Variants in FBXW7 observed in about 807,000 individuals in gnomAD.
FBXW7 encodes F-box/WD repeat-containing protein 7.
In FBXW7, 11 loss-of-function variants were observed where a neutral mutation model predicts 86.3. The ratio of observed to expected loss-of-function variants is 0.13; its 90% CI spans 0.08 to 0.21. FBXW7 has a LOEUF of 0.21. Among genes scored for constraint, FBXW7 ranks in the 10% least tolerant of loss-of-function variants. The probability of loss-of-function intolerance (pLI) is 1.00; values close to 1 mark genes in which losing one functional copy is unlikely to be tolerated. For missense variants in FBXW7, 488 were observed against 847.4 expected (o/e 0.58, Z 5.27); for synonymous variants, 313 against 297.9 (o/e 1.05, Z -0.52).
intron 4 of FBXW7, among the ~76,000 whole-genome samples, chr4:152,398,158 G>C (rs1736586930): frequency 6.6e-6 from 1 of 151,752 alleles, no homozygotes; most frequent in Non-Finnish European, 1.5e-5. Flanking sequence ...CAAATTCTGA[G>C]CAAGACATAC....
chr4:152,459,054 T>C (rs1362816382), intron 2 of FBXW7, among the ~76,000 whole-genome samples: 1 of 152,138 alleles, frequency 6.6e-6, no homozygotes, highest in Non-Finnish European at 1.5e-5. Context: ...GTATATTCAC[T>C]CCAAGATGCA....
chr4:152,411,944 C>T, intron 3 of FBXW7, 72 bp from the exon 4 acceptor site: 1 of 1,336,332 alleles, frequency 7.5e-7, no homozygotes, highest in Non-Finnish European at 9.8e-7. Context: ...TGTTATATGT[C>T]TACTTTCTAA....
chr4:152,502,281 T>C (rs1182707687), intron 2 of FBXW7, among the ~76,000 whole-genome samples: 1 of 152,168 alleles, frequency 6.6e-6, no homozygotes, highest in Non-Finnish European at 1.5e-5. Context: ...AAAGAAAGTT[T>C]TATTCTTTTG....
chr4:152,404,329 T>C (rs1200374727), intron 4 of FBXW7, among the ~76,000 whole-genome samples: 2 of 152,346 alleles, frequency 1.3e-5, no homozygotes, highest in African/African-American at 2.4e-5. Flanking sequence ...GAGGCATATA[T>C]GCTTGTTATA....
intron 2 of FBXW7, among the ~76,000 whole-genome samples, chr4:152,490,280 T>C (rs1031712566): frequency 6.6e-6 from 1 of 152,148 alleles, no homozygotes; most frequent in Non-Finnish European, 1.5e-5. Flanking sequence ...GTGAATGTAC[T>C]TGATGCCACT....
intron 4 of FBXW7, chr4:152,352,496 C>T (rs1024469418): frequency 2.7e-5 from 44 of 1,613,722 alleles, no homozygotes; most frequent in Admixed American, 5.0e-5. Context: ...TTTAATGTGC[C>T]GTAGAAACCC....
chr4:152,334,326 T>TCC (rs981192559), intron 7 of FBXW7, among the ~76,000 whole-genome samples: 6 of 152,110 alleles, frequency 3.9e-5, no homozygotes, highest in African/African-American at 1.4e-4. Flanking sequence ...TAACAGATAC[T>TCC]CCAAAAGCTA....
intron 4 of FBXW7, among the ~76,000 whole-genome samples, chr4:152,365,911 TTC>T (rs1395454949): frequency 1.3e-5 from 2 of 152,230 alleles, no homozygotes; most frequent in South Asian, 2.1e-4. Context: ...AGTATTTTTA[TTC>T]TGTTTTGATT....
intron 7 of FBXW7, 174 bp downstream of exon 7, chr4:152,337,624 ACAAT>A: frequency 1.8e-6 from 1 of 546,640 alleles, no homozygotes; most frequent in East Asian, 3.1e-5. Flanking sequence ...CTTTAATCTG[ACAAT>A]TACATTATTA....
chr4:152,417,527 C>G (rs999840910), intron 2 of FBXW7, among the ~76,000 whole-genome samples: 1 of 152,048 alleles, frequency 6.6e-6, no homozygotes, highest in Non-Finnish European at 1.5e-5. Context: ...CGGGGAGGAA[C>G]AGAGGCAGAC....
rs1272453150 is a variant in FBXW7 at position 152,351,133 on chromosome 4, C to A, written c.502-1009G>T. ...CTCCAAAGTGATAGAGAGCTATCCTCATGTTTATAAGTAGGTAAAAATCCT... is the reference window on the plus strand; with the variant it reads ...CTCCAAAGTGATAGAGAGCTATCCTAATGTTTATAAGTAGGTAAAAATCCT... On this transcript the variant is annotated intron_variant, in intron 4 of 13. Transcript: ENST00000281708. Among the ~76,000 whole-genome samples, 3 of 152,172 alleles carry A rather than the reference C, an allele frequency of 2.0e-5. No individual in the cohort carries two copies. The East Asian group carries it at 5.8e-4, about 29-fold the overall frequency.
intron 11 of FBXW7, among the ~76,000 whole-genome samples, 178 bp from the exon 12 acceptor site, chr4:152,326,409 T>C (rs373440639): frequency 9.5e-4 from 139 of 145,698 alleles, no homozygotes; most frequent in African/African-American, 3.4e-3. Flanking sequence ...TATATAAACA[T>C]AATAAGGGAA....
chr4:152,397,580 G>A (rs1014301365), intron 4 of FBXW7, among the ~76,000 whole-genome samples: 12 of 149,856 alleles, frequency 8.0e-5, no homozygotes, highest in African/African-American at 2.5e-4. Flanking sequence ...CATATCTTAC[G>A]TAGTTCATAA....
chr4:152,410,991 A>C (rs1477316250), intron 4 of FBXW7, among the ~76,000 whole-genome samples: 1 of 152,024 alleles, frequency 6.6e-6, no homozygotes, highest in Non-Finnish European at 1.5e-5. Flanking sequence ...TTTCACCCGA[A>C]ACCTCTACAC....
chr4:152,462,221 T>C (rs1216506707), intron 2 of FBXW7, among the ~76,000 whole-genome samples: 2 of 152,188 alleles, frequency 1.3e-5, no homozygotes, highest in Non-Finnish European at 2.9e-5. Context: ...TTGCTTTCAG[T>C]GTTTGTTCCC....
chr4:152,472,449 T>G (rs1744045124), intron 2 of FBXW7, among the ~76,000 whole-genome samples: 1 of 152,150 alleles, frequency 6.6e-6, no homozygotes. Flanking sequence ...AATGAAACCC[T>G]AAGCCTCAGT....
chr4:152,504,046 T>C (rs1273794319), intron 2 of FBXW7, among the ~76,000 whole-genome samples: 1 of 152,190 alleles, frequency 6.6e-6, no homozygotes, highest in African/African-American at 2.4e-5. Flanking sequence ...CAACTCTGAT[T>C]TTAGAAAGAG....
At chr4:152,365,821 T>A (rs1194554891) in intron 4 of FBXW7, among the ~76,000 whole-genome samples, 1 of 152,194 alleles carries the variant, frequency 6.6e-6, no homozygotes, top group Non-Finnish European at 1.5e-5. Context: ...TCCCAGTGCT[T>A]GAAGCCAACA....
At chr4:152,481,268 A>T (rs1158073468) in intron 2 of FBXW7, among the ~76,000 whole-genome samples, 1 of 152,198 alleles carries the variant, frequency 6.6e-6, no homozygotes, top group Non-Finnish European at 1.5e-5. Context: ...CATCTATTTA[A>T]CAACATGGTT....
Sources: allele counts gnomAD v4.1 joint callset (sites outside exome capture counted in the v4.1 genomes callset), GRCh38; gene constraint gnomAD v4.1.1; transcripts MANE v1.5; gene names NCBI Gene and HGNC (gene_info 2026-07-23, HGNC 2026-07-21).